The following USP15 variants were observed in gnomAD, a reference collection of about 807,000 sequenced individuals.
The protein encoded by USP15 is ubiquitin specific peptidase 15.
A neutral mutation model predicts 127.1 loss-of-function variants in USP15; 18 were observed. The ratio of observed to expected loss-of-function variants is 0.14; its 90% CI spans 0.10 to 0.21. The LOEUF is 0.21. Ranked by LOEUF, USP15 falls within the 10% of genes least tolerant of loss-of-function variation. The pLI, the probability that USP15 is intolerant of heterozygous loss-of-function variation, is 1.00. For synonymous variants in USP15, 364 were observed against 393.7 expected (o/e 0.92, Z 0.89); for missense variants, 805 against 1,159.9 (o/e 0.69, Z 4.44).
At chr12:62,285,938 C>T (rs1426090159) in intron 1 of USP15, among the ~76,000 whole-genome samples, 1 of 152,126 alleles carries the variant, frequency 6.6e-6, no homozygotes, top group Non-Finnish European at 1.5e-5. Context: ...TCCTTGCCAA[C>T]ATCTGTTATC....
At position 62,355,368 on chromosome 12, in the gene USP15, G is replaced by A. The variant is rs770503537; in HGVS notation, c.808G>A (p.Ala270Thr). The A allele has an allele frequency of 1.7e-5, 27 of 1,609,742 alleles. No homozygotes were observed. In the Admixed American group the frequency reaches 2.5e-4, roughly 15 times the overall value. ...NSNYCLPSYT[A>T]YKNYDYSEPG... Reference sequence around the variant, plus strand: ...AAATTACTGTCTTCCATCATATACCGCTTATAAGAACTATGATTATTCGGA... The same window carrying A: ...AAATTACTGTCTTCCATCATATACCACTTATAAGAACTATGATTATTCGGA... The change falls in exon 8 of 22, where the codon GCT (alanine) becomes ACT (threonine). Residue 270 changes from alanine (A) to threonine (T), a missense_variant. This residue lies in a region of USP15 where 84 missense variants were observed against 107.7 expected (regional missense o/e 0.78). Transcript: ENST00000280377.
intron 21 of USP15, among the ~76,000 whole-genome samples, chr12:62,402,361 A>G (rs941391437): frequency 1.2e-4 from 18 of 152,040 alleles, no homozygotes; most frequent in Non-Finnish European, 2.4e-4. Flanking sequence ...AAAGAAGATA[A>G]GTAAATTAAC....
intron 1 of USP15, among the ~76,000 whole-genome samples, chr12:62,268,145 A>G (rs2063243623): frequency 6.6e-6 from 1 of 152,132 alleles, no homozygotes; most frequent in South Asian, 2.1e-4. Flanking sequence ...TATATAATGT[A>G]ATATATTTAT....
rs372953293 is a variant in USP15 at position 62,275,907 on chromosome 12, A to T, written c.89+15404A>T. On this transcript the variant is annotated intron_variant, in intron 1 of 21. Transcript: ENST00000280377. The stretch of plus-strand genomic sequence containing the variant: ...TAGGTAAGACTGCCAAAGGTTTGAA[A>T]TAATTATTGAGGATATAGAAGGGTA... Among the ~76,000 whole-genome samples the T allele has an allele frequency of 5.3e-5, 8 of 152,100 alleles. No individual in the cohort carries two copies. The East Asian group carries it at 1.2e-3, about 22-fold the overall frequency.
intron 6 of USP15, among the ~76,000 whole-genome samples, chr12:62,347,452 A>C (rs2065853467): frequency 6.6e-6 from 1 of 151,782 alleles, no homozygotes; most frequent in East Asian, 1.9e-4. Flanking sequence ...TTTTACTATA[A>C]GATTCAGGGG....
intron 1 of USP15, among the ~76,000 whole-genome samples, chr12:62,261,176 G>C (rs2063044129): frequency 6.6e-6 from 1 of 152,184 alleles, no homozygotes; most frequent in African/African-American, 2.4e-5. Context: ...TAGACGTGCA[G>C]CCCTTCCCTT....
At position 62,336,115 on chromosome 12, in the gene USP15, C is replaced by T. The variant is rs548523532; in HGVS notation, c.683+10182C>T. On this transcript the variant is annotated intron_variant, in intron 6 of 21. Coordinates refer to ENST00000280377, the MANE Select transcript of USP15 (RefSeq NM_001252078.2). ...CTCAGACCTTAAATGCATTGACATT[C>T]ACTAAATTTCTGTCAGAAGACCTCT... The T allele has an allele frequency of 3.0e-6, 3 of 985,386 alleles. No homozygotes were observed. The East Asian group carries it at 3.4e-4, about 112-fold the overall frequency. 61.0% of individuals were successfully genotyped at this position (985,386 alleles called of 1,614,324 possible).
intron 3 of USP15, among the ~76,000 whole-genome samples, chr12:62,307,554 A>G (rs1449884251): frequency 1.3e-5 from 2 of 152,156 alleles, no homozygotes; most frequent in Admixed American, 6.6e-5. Flanking sequence ...GAGGCACTAC[A>G]GTAGTCCCCC....
chr12:62,401,286 C>A lies in USP15; in HGVS notation c.2763+11C>A. ...GAAGACCAAATTGTGGTAAGTTTGT[C>A]TTATATTTCCTGAGAACTATGGGAT... On this transcript the variant is annotated intron_variant, in intron 21 of 21. Transcript: ENST00000280377. 1 of 1,597,378 alleles carries A rather than the reference C, an allele frequency of 6.3e-7. No individual in the cohort carries two copies. The highest frequency in any genetic ancestry group is 8.6e-7 in the Non-Finnish European group (1 of 1,166,218).
At chr12:62,401,326 A>C (rs1442176904) in intron 21 of USP15, 51 bp downstream of exon 21, 1 of 1,432,374 alleles carries the variant, frequency 7.0e-7, no homozygotes. Flanking sequence ...TGTCTTAAGG[A>C]GTGAATATAA....
In USP15 at chr12:62,410,088, A is replaced by C. The variant is rs1008339473; in HGVS notation, c.*5713A>C. 1 of 152,150 alleles carries C rather than the reference A, an allele frequency of 6.6e-6. No homozygotes were observed. Among genetic ancestry groups the C allele is most frequent in the African/African-American group, 2.4e-5 (1 of 41,454 alleles). The allele number at this position is 152,150 out of a possible 1,614,324, so 9.4% of individuals were successfully genotyped here. ...TCTCTTCTAACCTTGAGTCATTTCT[A>C]TTAAATACAGCATTTAATCTTCTTT... On this transcript the variant is annotated 3_prime_UTR_variant, in exon 22 of 22. Coordinates refer to ENST00000280377, the MANE Select transcript of USP15 (RefSeq NM_001252078.2).
rs952130497 is a variant in USP15, at chr12:62,413,008, T to C, written c.*8633T>C. ...AAATGTATTTCTTGGATGATAAGAC[T>C]TGAAAGCTGAAGTTATTCTTTGATC... On this transcript the variant is annotated 3_prime_UTR_variant, in exon 22 of 22. Coordinates refer to ENST00000280377, the MANE Select transcript of USP15 (RefSeq NM_001252078.2). 1 of 152,230 alleles carries C rather than the reference T, an allele frequency of 6.6e-6. No individual in the cohort carries two copies. Among genetic ancestry groups the C allele is most frequent in the Non-Finnish European group, 1.5e-5 (1 of 68,042 alleles). 9.4% of individuals were successfully genotyped at this position (152,230 alleles called of 1,614,324 possible).
At chr12:62,350,870 C>T (rs776460963) in intron 7 of USP15, among the ~76,000 whole-genome samples, 1 of 152,162 alleles carries the variant, frequency 6.6e-6, no homozygotes, top group Non-Finnish European at 1.5e-5. Flanking sequence ...AAGCAATCCT[C>T]CTGCCTCAGC....
intron 1 of USP15, among the ~76,000 whole-genome samples, chr12:62,287,377 A>G (rs925130144): frequency 6.6e-6 from 1 of 152,212 alleles, no homozygotes; most frequent in East Asian, 1.9e-4. Flanking sequence ...ATAAATTTTA[A>G]AAATCTGTGT....
chr12:62,293,732 T>C (rs1186094613), intron 1 of USP15, among the ~76,000 whole-genome samples: 2 of 152,178 alleles, frequency 1.3e-5, no homozygotes, highest in South Asian at 2.1e-4. Context: ...CTCTCTCTGA[T>C]TATGATTATT....
At chr12:62,331,729 A>G (rs1385885017) in intron 6 of USP15, among the ~76,000 whole-genome samples, 4 of 152,220 alleles carry the variant, frequency 2.6e-5, no homozygotes, top group Non-Finnish European at 4.4e-5. Flanking sequence ...TAAATATTCA[A>G]AAAATGTTAA....
At chr12:62,290,259 G>T (rs1167548068) in intron 1 of USP15, among the ~76,000 whole-genome samples, 1 of 152,110 alleles carries the variant, frequency 6.6e-6, no homozygotes, top group Non-Finnish European at 1.5e-5. Context: ...CTTTTCTTAG[G>T]TCTAGTAATA....
rs549837364 is a variant in USP15, at chr12:62,388,933, A to G, written c.1474-498A>G. 3.9e-5 allele frequency among the ~76,000 whole-genome samples: 6 copies of G among 152,294 alleles called. No homozygotes were observed. In the South Asian group the frequency reaches 1.0e-3, roughly 26 times the overall value. Reference sequence around the variant, plus strand: ...CACTTGAATCCAGGATTTTGAGACCATTCTGGGCAACATAATGAGACCTTG... The same window carrying G: ...CACTTGAATCCAGGATTTTGAGACCGTTCTGGGCAACATAATGAGACCTTG... On this transcript the variant is annotated intron_variant, in intron 11 of 21. Coordinates refer to ENST00000280377, the MANE Select transcript of USP15 (RefSeq NM_001252078.2).
chr12:62,390,256 TATA>T (rs1184172133), intron 14 of USP15, among the ~76,000 whole-genome samples: 1 of 152,172 alleles, frequency 6.6e-6, no homozygotes, highest in Non-Finnish European at 1.5e-5. Context: ...GAATTTATGT[TATA>T]ATAATTATGT....
Sources: allele counts gnomAD v4.1 joint callset (sites outside exome capture counted in the v4.1 genomes callset), GRCh38; gene constraint gnomAD v4.1.1; regional missense constraint gnomAD v4.1.1; transcripts MANE v1.5; gene names NCBI Gene and HGNC (gene_info 2026-07-23, HGNC 2026-07-21).